Variants in CLEC4A observed in about 807,000 individuals in gnomAD.
CLEC4A encodes C-type (calcium dependent, carbohydrate-recognition domain) lectin, superfamily member 6.
A neutral mutation model predicts 32.7 loss-of-function variants in CLEC4A; 27 were observed. The observed-to-expected ratio is 0.83, with a 90% CI of 0.61 to 1.14. The LOEUF (loss-of-function observed/expected upper bound fraction) is 1.14. Ranked by LOEUF, CLEC4A falls within the 50% of genes most tolerant of loss-of-function variation. The pLI, the probability that CLEC4A is intolerant of heterozygous loss-of-function variation, is 0.00. For missense variants in CLEC4A, 253 were observed against 274.6 expected (o/e 0.92, Z 0.55); for synonymous variants, 89 against 93.7 (o/e 0.95, Z 0.29).
At chr12:8,108,932 A>G in the CLEC4A span, among the ~76,000 whole-genome samples, 1 of 152,128 alleles carries the variant, frequency 6.6e-6, no homozygotes, top group Non-Finnish European at 1.5e-5. Flanking sequence ...CTATTATTGG[A>G]AAAAAAAGTC....
chr12:8,115,787 T>C, the CLEC4A span, among the ~76,000 whole-genome samples: 1 of 152,044 alleles, frequency 6.6e-6, no homozygotes, highest in South Asian at 2.1e-4. Flanking sequence ...ATATGTCATA[T>C]ATATATATTT....
the CLEC4A span, among the ~76,000 whole-genome samples, chr12:8,112,034 T>A: frequency 6.6e-6 from 1 of 151,970 alleles, no homozygotes; most frequent in Non-Finnish European, 1.5e-5. Flanking sequence ...AATGGTGCAA[T>A]CTCTGCTCAC....
At chr12:8,107,862 A>G in the CLEC4A span, among the ~76,000 whole-genome samples, 1 of 145,420 alleles carries the variant, frequency 6.9e-6, no homozygotes, top group South Asian at 2.1e-4. Flanking sequence ...GATCTTTTGT[A>G]TGGCTTTTTG....
At chr12:8,126,550 T>C (rs898612523) in intron 2 of CLEC4A, among the ~76,000 whole-genome samples, 4 of 152,082 alleles carry the variant, frequency 2.6e-5, no homozygotes, top group African/African-American at 9.7e-5. Context: ...AAAAGCAGTA[T>C]ACATTTAGGT....
At chr12:8,118,417 C>T in the CLEC4A span, among the ~76,000 whole-genome samples, 3 of 150,774 alleles carry the variant, frequency 2.0e-5, no homozygotes, top group Admixed American at 1.3e-4. Context: ...AAACCTGAGA[C>T]TAGGTAATTC....
chr12:8,113,603 C>T, the CLEC4A span, among the ~76,000 whole-genome samples: 28 of 152,308 alleles, frequency 1.8e-4, no homozygotes, highest in African/African-American at 6.3e-4. Flanking sequence ...TTCTCAGCCT[C>T]CTGCCCATGC....
intron 2 of CLEC4A, among the ~76,000 whole-genome samples, chr12:8,126,919 G>T (rs770024378): frequency 3.3e-5 from 5 of 152,310 alleles, no homozygotes; most frequent in African/African-American, 1.2e-4. Context: ...GTGGCAGAAA[G>T]AAACAGGACT....
Position 8,127,424 on chromosome 12 carries a change from C to T in CLEC4A, c.199+1747C>T, listed in dbSNP as rs1947920689. 1.3e-5 allele frequency among the ~76,000 whole-genome samples: 2 copies of T among 152,198 alleles called. 1 individual carries two copies. The highest frequency in any genetic ancestry group is 4.1e-4 in the South Asian group (2 of 4,832). On this transcript the variant is annotated intron_variant, in intron 2 of 5. Transcript: ENST00000229332. ...ATCCAGGCGGTGGAGAAATAGACCA[C>T]ATTTCTTGATTGAAGAAGCTGCAAA...
At chr12:8,104,284 C>T in the CLEC4A span, among the ~76,000 whole-genome samples, 1 of 152,208 alleles carries the variant, frequency 6.6e-6, no homozygotes, top group South Asian at 2.1e-4. Flanking sequence ...AATTGTAAGC[C>T]ACCTCAGAAT....
At chr12:8,130,250 G>A (rs1030500940) in intron 3 of CLEC4A, among the ~76,000 whole-genome samples, 7 of 152,102 alleles carry the variant, frequency 4.6e-5, no homozygotes, top group Non-Finnish European at 7.4e-5. Context: ...GCTTCTTTCG[G>A]AACTTTCTAT....
intron 3 of CLEC4A, among the ~76,000 whole-genome samples, chr12:8,132,917 T>G (rs182217525): frequency 2.1e-4 from 32 of 152,214 alleles, no homozygotes; most frequent in East Asian, 1.2e-3. Flanking sequence ...TTTGTTTTTT[T>G]TTTGTTTTTG....
intron 3 of CLEC4A, chr12:8,134,394 A>G (rs1158109792): frequency 6.2e-7 from 1 of 1,613,680 alleles, no homozygotes; most frequent in African/African-American, 1.3e-5. Context: ...CTTCTGCTTC[A>G]GGAGCTTGGC....
chr12:8,138,429 C>T lies in CLEC4A; in HGVS notation c.*142C>T. On this transcript the variant is annotated 3_prime_UTR_variant, in exon 6 of 6. Coordinates refer to ENST00000229332, the MANE Select transcript of CLEC4A (RefSeq NM_016184.4). ...CTATTCTACTTATGAGAGAATTGGT[C>T]TGTACATTGACTGATTCACTTTTTC... 2.0e-6 allele frequency: 2 copies of T among 1,006,640 alleles called. No homozygotes were observed. The highest frequency in any genetic ancestry group is 2.9e-6 in the Non-Finnish European group (2 of 678,566). 62.4% of individuals were successfully genotyped at this position (1,006,640 alleles called of 1,614,324 possible). A position where few individuals can be genotyped will look rare whatever the true frequency, so the allele number is the denominator to read the frequency against.
At chr12:8,125,371 T>G (rs1479766615) in intron 1 of CLEC4A, among the ~76,000 whole-genome samples, 190 bp from the exon 2 acceptor site, 1 of 152,188 alleles carries the variant, frequency 6.6e-6, no homozygotes, top group Non-Finnish European at 1.5e-5. Context: ...ATTCGTACTT[T>G]TATGTATTTT....
chr12:8,131,467 A>C (rs1401204234), intron 3 of CLEC4A, among the ~76,000 whole-genome samples: 1 of 150,966 alleles, frequency 6.6e-6, no homozygotes, highest in Non-Finnish European at 1.5e-5. Context: ...GATGAAGTGC[A>C]AAGGCAGTCC....
chr12:8,116,014 G>A, the CLEC4A span, among the ~76,000 whole-genome samples: 2 of 152,062 alleles, frequency 1.3e-5, no homozygotes, highest in Admixed American at 1.3e-4. Context: ...CCAGACCGGA[G>A]TGCAGGTGTG....
chr12:8,134,384 C>T (rs1363418957), intron 3 of CLEC4A: 3 of 1,613,516 alleles, frequency 1.9e-6, no homozygotes, highest in Admixed American at 3.3e-5. Flanking sequence ...GGGTGATCCT[C>T]TTCTGCTTCA....
chr12:8,137,007 T>C lies in CLEC4A; in HGVS notation c.566+104T>C, dbSNP rs2120644781. On this transcript the variant is annotated intron_variant, in intron 5 of 5. Transcript: ENST00000229332. ...AAAGTAAAATAGCTCACTCTTCTTT[T>C]AGCTCTTGGGTACTAGGTTAAATAA... is the stretch of plus-strand genomic sequence containing the variant. 8.9e-6 allele frequency: 6 copies of C among 677,452 alleles called. No individual in the cohort carries two copies. The East Asian group carries it at 1.3e-4, about 15-fold the overall frequency. 42.0% of individuals were successfully genotyped at this position (677,452 alleles called of 1,614,324 possible).
At chr12:8,138,009 A>T in intron 5 of CLEC4A, 131 bp from the exon 6 acceptor site, 1 of 930,668 alleles carries the variant, frequency 1.1e-6, no homozygotes, top group Non-Finnish European at 1.6e-6. Context: ...CATGATGAGT[A>T]GCAGAAAGGT....
Sources: gnomAD v4.1 joint callset for allele counts (sites outside exome capture counted in the v4.1 genomes callset) on GRCh38, gnomAD v4.1.1 for gene constraint, MANE v1.5 for transcripts, NCBI Gene and HGNC (gene_info 2026-07-23, HGNC 2026-07-21) for gene names.